The following MYO7A variants were observed in gnomAD, a reference collection of about 807,000 sequenced individuals.
The protein encoded by MYO7A is unconventional myosin-VIIa.
Under a neutral mutation model 263.8 loss-of-function variants are expected in MYO7A, and 210 were observed. That is an observed-to-expected ratio of 0.80 (90% CI 0.71 to 0.89). The LOEUF (loss-of-function observed/expected upper bound fraction) is 0.89. MYO7A is among the 40% of genes least tolerant of loss of function. MYO7A has a pLI of 0.00. For synonymous variants in MYO7A, 1,239 were observed against 1,197.3 expected (o/e 1.03, Z -0.72); for missense variants, 2,820 against 2,968.3 (o/e 0.95, Z 1.16).
rs115637228 is a variant in MYO7A at position 77,187,349 on chromosome 11, A to G, written c.3504-1995A>G. Among the ~76,000 whole-genome samples the G allele has an allele frequency of 3.1e-3, 471 of 152,362 alleles. 3 individuals are homozygous for G. The highest frequency in any genetic ancestry group is 9.6e-3 in the African/African-American group (401 of 41,578). On this transcript the variant is annotated intron_variant, in intron 27 of 48. Transcript: ENST00000409709. ...TCTGCAAAGTGTAATAAAGTGAAGT[A>G]CAGTAAAATGAGGTGTGCCTGCAGT...
At chr11:77,201,938 G>C (rs949974666) in intron 36 of MYO7A, among the ~76,000 whole-genome samples, 5 of 152,122 alleles carry the variant, frequency 3.3e-5, no homozygotes, top group Non-Finnish European at 5.9e-5. Context: ...AGGGGGCCCT[G>C]CTTCTTCTGG....
At position 77,215,224 on chromosome 11, in the gene MYO7A, A is replaced by G. The variant is rs1958063666; in HGVS notation, c.*528A>G. Reference sequence around the variant, plus strand: ...CCCTGATCACCTCAGGGCATAAAGCATGTTTCATTCTCTGGCCCGACAGTG... The same window carrying G: ...CCCTGATCACCTCAGGGCATAAAGCGTGTTTCATTCTCTGGCCCGACAGTG... On this transcript the variant is annotated 3_prime_UTR_variant, in exon 49 of 49. Transcript: ENST00000409709. 1 of 153,498 alleles carries G rather than the reference A, an allele frequency of 6.5e-6. No homozygotes were observed. Among genetic ancestry groups the G allele is most frequent in the Admixed American group, 6.5e-5 (1 of 15,460 alleles). 9.5% of individuals were successfully genotyped at this position (153,498 alleles called of 1,614,324 possible). A position where few individuals can be genotyped will look rare whatever the true frequency, so the allele number is the denominator to read the frequency against.
intron 16 of MYO7A, among the ~76,000 whole-genome samples, chr11:77,174,450 T>C (rs1400640364): frequency 2.0e-5 from 3 of 152,088 alleles, no homozygotes; most frequent in Non-Finnish European, 4.4e-5. Context: ...CTTGGAATAC[T>C]CCCCCTCCTG....
intron 4 of MYO7A, among the ~76,000 whole-genome samples, chr11:77,154,557 C>A (rs1459990329): frequency 6.6e-6 from 1 of 152,198 alleles, no homozygotes; most frequent in African/African-American, 2.4e-5. Context: ...CACAGAGAGC[C>A]AGCTCCAGCT....
At chr11:77,196,140 G>A (rs943553284) in intron 32 of MYO7A, among the ~76,000 whole-genome samples, 4 of 152,356 alleles carry the variant, frequency 2.6e-5, no homozygotes, top group South Asian at 2.1e-4. Context: ...AGGCCAAGGC[G>A]GGCGGATCAT....
chr11:77,163,194 T>C (rs1482131733), intron 14 of MYO7A, among the ~76,000 whole-genome samples: 1 of 152,174 alleles, frequency 6.6e-6, no homozygotes, highest in Non-Finnish European at 1.5e-5. Flanking sequence ...CCAGTACTGC[T>C]ATCTATTTCC....
chr11:77,192,162 T>C lies in MYO7A; in HGVS notation c.4036T>C (p.Phe1346Leu), dbSNP rs761862625. 9 of 1,613,890 alleles carry C rather than the reference T, an allele frequency of 5.6e-6. No individual in the cohort carries two copies. The highest frequency in any genetic ancestry group is 1.7e-5 in the Admixed American group (1 of 60,016). The change falls in exon 31 of 49, where the codon TTC becomes CTC. Residue 1346 changes from phenylalanine (F) to leucine (L), a missense_variant. Coordinates refer to ENST00000409709, the MANE Select transcript of MYO7A (RefSeq NM_000260.4). ...QERNAPWRLF[F>L]RKEVFTPWHS... The stretch of plus-strand genomic sequence containing the variant: ...GCGCAACGCCCCCTGGAGGCTCTTC[T>C]TCCGCAAAGAGGTCTTCACGCCCTG...
intron 16 of MYO7A, among the ~76,000 whole-genome samples, chr11:77,173,584 C>CTCAGGCTGGGGCCA (rs1954340477): frequency 6.6e-6 from 1 of 152,132 alleles, no homozygotes; most frequent in South Asian, 2.1e-4. Context: ...TCGCTGCGAG[C>CTCAGGCTGGGGCCA]CCTCTCCTTT....
At chr11:77,146,671 G>A (rs1261403661) in intron 3 of MYO7A, among the ~76,000 whole-genome samples, 1 of 152,126 alleles carries the variant, frequency 6.6e-6, no homozygotes, top group African/African-American at 2.4e-5. Flanking sequence ...GACATGGCAT[G>A]TGCATCACAT....
rs142610588 is a variant in MYO7A at position 77,142,074 on chromosome 11, G to C, written c.19-635G>C. ...CCATTTCTCTGACTTGGGATTTTACGTTTGGCTCTCACGATCCCTTGCTGA... is the reference window on the plus strand; with the variant it reads ...CCATTTCTCTGACTTGGGATTTTACCTTTGGCTCTCACGATCCCTTGCTGA... On this transcript the variant is annotated intron_variant, in intron 2 of 48. Coordinates refer to ENST00000409709, the MANE Select transcript of MYO7A (RefSeq NM_000260.4). 3.9e-5 allele frequency among the ~76,000 whole-genome samples: 6 copies of C among 152,310 alleles called. No homozygotes were observed. The South Asian group carries it at 6.2e-4, about 16-fold the overall frequency.
chr11:77,182,699 A>C, intron 25 of MYO7A, 99 bp downstream of exon 25: 1 of 1,309,848 alleles, frequency 7.6e-7, no homozygotes, highest in Non-Finnish European at 1.1e-6. Context: ...AAAGGATCCT[A>C]TAATTCATCT....
intron 14 of MYO7A, 104 bp from the exon 15 acceptor site, chr11:77,165,952 G>C: frequency 1.3e-6 from 1 of 762,718 alleles, no homozygotes; most frequent in Non-Finnish European, 2.2e-6. Flanking sequence ...AAATGGATGT[G>C]GTGGAACTAG....
chr11:77,188,523 G>C (rs1175434200), intron 27 of MYO7A, among the ~76,000 whole-genome samples: 1 of 152,234 alleles, frequency 6.6e-6, no homozygotes, highest in Non-Finnish European at 1.5e-5. Flanking sequence ...GCAGCAGTGA[G>C]TGCCCCCTGG....
chr11:77,189,255 G>A (rs188985726), intron 27 of MYO7A, 89 bp from the exon 28 acceptor site: 518 of 1,562,974 alleles, frequency 3.3e-4, no homozygotes, highest in Non-Finnish European at 4.1e-4. Context: ...GGACAGCTGT[G>A]TGGCGTCCCA....
chr11:77,182,960 G>A, intron 25 of MYO7A, 108 bp from the exon 26 acceptor site: 2 of 980,368 alleles, frequency 2.0e-6, no homozygotes, highest in South Asian at 2.8e-5. Flanking sequence ...GGGACACCCT[G>A]TAAGCTTCAC....
chr11:77,151,555 C>T (rs782026666), intron 4 of MYO7A, among the ~76,000 whole-genome samples: 13 of 152,136 alleles, frequency 8.5e-5, no homozygotes, highest in African/African-American at 1.2e-4. Context: ...CCCTGAGCTC[C>T]GCCTGGGGAC....
chr11:77,188,871 C>A (rs368519389), intron 27 of MYO7A, among the ~76,000 whole-genome samples: 3 of 152,340 alleles, frequency 2.0e-5, no homozygotes, highest in East Asian at 1.9e-4. Context: ...CCCAGTGACA[C>A]CCCAGGATGC....
chr11:77,204,363 G>A, intron 39 of MYO7A, 134 bp downstream of exon 39: 1 of 1,264,432 alleles, frequency 7.9e-7, no homozygotes, highest in Non-Finnish European at 1.1e-6. Flanking sequence ...CTGCTCATGG[G>A]CCCCCTCACA....
chr11:77,213,190 A>C (rs755113398), intron 47 of MYO7A, among the ~76,000 whole-genome samples, 155 bp downstream of exon 47: 6 of 152,190 alleles, frequency 3.9e-5, no homozygotes, highest in Non-Finnish European at 8.8e-5. Context: ...GTTTGCTAGG[A>C]CTTTACCCAA....
Sources: allele counts gnomAD v4.1 joint callset (sites outside exome capture counted in the v4.1 genomes callset), GRCh38; gene constraint gnomAD v4.1.1; transcripts MANE v1.5; gene names NCBI Gene and HGNC (gene_info 2026-07-23, HGNC 2026-07-21).